Variants in NEBL observed in about 807,000 individuals in gnomAD.
The protein encoded by NEBL is nebulette.
Under a neutral mutation model 140.2 loss-of-function variants are expected in NEBL, and 122 were observed. That is an observed-to-expected ratio of 0.87 (90% CI 0.75 to 1.01). The LOEUF is 1.01. Among genes scored for constraint, NEBL ranks in the 50% least tolerant of loss-of-function variants. The pLI is 0.00. For missense variants in NEBL, 1,365 were observed against 1,231.3 expected (o/e 1.11, Z -1.62); for synonymous variants, 436 against 398.9 (o/e 1.09, Z -1.11).
chr10:20,944,844 G>A (rs1053403637), intron 4 of NEBL, among the ~76,000 whole-genome samples: 6 of 152,036 alleles, frequency 3.9e-5, no homozygotes, highest in Non-Finnish European at 7.4e-5. Context: ...TTCTCCAAAA[G>A]CAGACATGTA....
intron 1 of NEBL, among the ~76,000 whole-genome samples, chr10:21,283,662 C>T (rs1237278894): frequency 6.6e-6 from 1 of 152,118 alleles, no homozygotes; most frequent in Non-Finnish European, 1.5e-5. Flanking sequence ...TAAGACCCCT[C>T]AATCAAACCT....
intron 23 of NEBL, among the ~76,000 whole-genome samples, chr10:20,813,567 AAC>A (rs1838387625): frequency 6.6e-6 from 1 of 152,198 alleles, no homozygotes; most frequent in African/African-American, 2.4e-5. Flanking sequence ...TAATTTTTAA[AAC>A]ACACATTTTT....
At chr10:20,901,464 TCTC>T (rs1218119860), upstream of NEBL, among the ~76,000 whole-genome samples, 1 of 152,088 alleles carries the variant, frequency 6.6e-6, no homozygotes, top group Non-Finnish European at 1.5e-5. Flanking sequence ...TTCACTTTTT[TCTC>T]CTTTTTTTCA....
chr10:20,884,744 C>T (rs1252363802), intron 4 of NEBL, among the ~76,000 whole-genome samples: 2 of 152,222 alleles, frequency 1.3e-5, no homozygotes, highest in East Asian at 1.9e-4. Flanking sequence ...TCTCATTAAG[C>T]TGCAGTTCCA....
chr10:20,952,880 G>A (rs1209913409), intron 4 of NEBL, among the ~76,000 whole-genome samples: 2 of 141,646 alleles, frequency 1.4e-5, no homozygotes, highest in African/African-American at 5.3e-5. Flanking sequence ...ACTCCAGCCT[G>A]GGTGACAGAG....
intron 7 of NEBL, among the ~76,000 whole-genome samples, chr10:20,865,856 G>A (rs1374447648): frequency 2.0e-5 from 3 of 152,140 alleles, no homozygotes; most frequent in Non-Finnish European, 4.4e-5. Context: ...CTCCCAGGGA[G>A]CAGTTGTGTC....
chr10:20,808,924 A>G (rs1252347552), intron 25 of NEBL, among the ~76,000 whole-genome samples: 3 of 152,194 alleles, frequency 2.0e-5, no homozygotes, highest in Non-Finnish European at 4.4e-5. Flanking sequence ...CAAAGAAAAC[A>G]TTGGTAAATT....
chr10:20,832,056 C>T (rs974340408), intron 14 of NEBL, among the ~76,000 whole-genome samples: 1 of 152,128 alleles, frequency 6.6e-6, no homozygotes, highest in Non-Finnish European at 1.5e-5. Context: ...CATCCAGCTT[C>T]GGTGAGACTG....
intron 2 of NEBL, among the ~76,000 whole-genome samples, chr10:21,050,225 T>C (rs1229927299): frequency 6.6e-6 from 1 of 152,224 alleles, no homozygotes; most frequent in Admixed American, 6.5e-5. Context: ...AATTCTTACT[T>C]TCTGATTTTA....
rs1408855166 is a variant in NEBL at position 20,785,408 on chromosome 10, AACAC to A, written c.*335_*338del. On this transcript the variant is annotated 3_prime_UTR_variant, in exon 28 of 28. Coordinates refer to ENST00000377122, the MANE Select transcript of NEBL (RefSeq NM_006393.3). ...CCAAAGTGACAGCTAAGAAGTTTCA[AACAC>A]ACACTACATTTAAGGGACAATCAAC... 1 of 325,198 alleles carries A rather than the reference AACAC, an allele frequency of 3.1e-6. No homozygotes were observed. Among genetic ancestry groups the A allele is most frequent in the African/African-American group, 2.1e-5 (1 of 46,768 alleles). The allele number at this position is 325,198 out of a possible 1,614,324, so 20.1% of individuals were successfully genotyped here.
chr10:21,097,876 G>A (rs546324092), intron 2 of NEBL, among the ~76,000 whole-genome samples: 7 of 152,240 alleles, frequency 4.6e-5, no homozygotes, highest in South Asian at 2.1e-4. Flanking sequence ...AAAGACTCTA[G>A]TAGCACAAGG....
chr10:21,191,687 TA>T (rs1841576652), intron 3 of NEBL, among the ~76,000 whole-genome samples: 2 of 152,266 alleles, frequency 1.3e-5, no homozygotes, highest in African/African-American at 4.8e-5. Flanking sequence ...CCAAAGGCTT[TA>T]ACAATAGGTA....
At chr10:21,070,119 G>A (rs545353005) in intron 2 of NEBL, 10 of 387,364 alleles carry the variant, frequency 2.6e-5, no homozygotes, top group African/African-American at 1.2e-4. Context: ...GGGACTTTTC[G>A]GGAGGCAAAA....
chr10:20,856,395 T>C (rs965912282), intron 9 of NEBL, among the ~76,000 whole-genome samples: 1 of 152,166 alleles, frequency 6.6e-6, no homozygotes. Flanking sequence ...ATTACCACCA[T>C]GATATTTTTA....
chr10:20,846,364 A>G (rs1484175251), intron 11 of NEBL, among the ~76,000 whole-genome samples: 4 of 152,222 alleles, frequency 2.6e-5, no homozygotes, highest in African/African-American at 7.2e-5. Flanking sequence ...TTATTTATTC[A>G]TTATAGAGAT....
In NEBL at chr10:20,914,318, T is replaced by G. The variant is rs114803934; in HGVS notation, c.357+47354A>C. 4.1e-3 allele frequency among the ~76,000 whole-genome samples: 625 copies of G among 152,302 alleles called. 4 individuals carry two copies. The highest frequency in any genetic ancestry group is 0.014 in the African/African-American group (586 of 41,574). ...GGAGAAAAGCAGAGAACAAGAGCCA[T>G]AGAAACCTTAAAAGATACAGTGAAC... On this transcript the variant is annotated intron_variant, in intron 4 of 6. Coordinates refer to the NEBL transcript ENST00000417816.
intron 8 of NEBL, 128 bp from the exon 9 acceptor site, chr10:20,858,472 A>T (rs1313325759): frequency 1.3e-6 from 1 of 790,698 alleles, no homozygotes; most frequent in South Asian, 1.5e-5. Context: ...ATTTACAAGG[A>T]GCCACTAGAT....
intron 5 of NEBL, among the ~76,000 whole-genome samples, chr10:20,871,513 T>C (rs546986519): frequency 2.0e-5 from 3 of 152,342 alleles, no homozygotes; most frequent in South Asian, 4.1e-4. Context: ...CTGTGCGTTA[T>C]GTTATTTTAT....
At chr10:20,906,507 A>G (rs560517271) in intron 4 of NEBL, among the ~76,000 whole-genome samples, 1 of 152,350 alleles carries the variant, frequency 6.6e-6, no homozygotes, top group East Asian at 1.9e-4. Context: ...TAAAGTAAAT[A>G]TATCATTAAA....
Sources: gnomAD v4.1 joint callset for allele counts (sites outside exome capture counted in the v4.1 genomes callset) on GRCh38, gnomAD v4.1.1 for gene constraint, MANE v1.5 for transcripts, NCBI Gene and HGNC (gene_info 2026-07-23, HGNC 2026-07-21) for gene names.